DNMT1: variants seen among roughly 807,000 people sequenced by gnomAD.
The protein encoded by DNMT1 is DNA methyltransferase 1.
DNMT1 carries 24 observed loss-of-function variants against 205.3 expected under a neutral mutation model. The ratio of observed to expected loss-of-function variants is 0.12; its 90% CI spans 0.08 to 0.16. DNMT1 has a LOEUF of 0.16. Ranked by LOEUF, DNMT1 falls within the 10% of genes least tolerant of loss-of-function variation. The pLI is 1.00. For missense variants in DNMT1, 1,293 were observed against 2,177.7 expected (o/e 0.59, Z 8.09); for synonymous variants, 817 against 839.8 (o/e 0.97, Z 0.47).
rs1355056143 is a variant in DNMT1 at position 10,137,211 on chromosome 19, G to A, written c.4363C>T (p.Leu1455=). ...PLAPGSDWRD[L]PNIEVRLSDG... ...GAGAGCCGCACCTCGATGTTGGGCA[G>A]ATCGCGCCAGTCTGACCCTGGGGCC... Residue 1455 remains leucine, a synonymous_variant, in exon 37 of 41, where the codon CTG becomes TTG. Coordinates refer to ENST00000359526, the MANE Select transcript of DNMT1 (RefSeq NM_001130823.3). The surrounding 1 kb of genome is among the most constrained non-coding windows in gnomAD (Gnocchi z 6.4). 1 of 1,611,040 alleles carries A rather than the reference G, an allele frequency of 6.2e-7. No individual in the cohort carries two copies. The highest frequency in any genetic ancestry group is 1.7e-5 in the Admixed American group (1 of 59,702).
At chr19:10,192,464 T>C (rs1363162893) in intron 1 of DNMT1, among the ~76,000 whole-genome samples, 1 of 151,630 alleles carries the variant, frequency 6.6e-6, no homozygotes, top group African/African-American at 2.4e-5. Context: ...GGTCATGTTT[T>C]CAAGAAGGCT....
At chr19:10,144,978 C>A (rs2038167702) in intron 28 of DNMT1, among the ~76,000 whole-genome samples, 1 of 152,216 alleles carries the variant, frequency 6.6e-6, no homozygotes. Flanking sequence ...TCCTGACAGG[C>A]ATGAGCCACC....
rs563228303 is a variant in DNMT1, at chr19:10,151,645, G to A, written c.2118-100C>T. 1.5e-5 allele frequency: 24 copies of A among 1,608,044 alleles called. No individual in the cohort carries two copies. Among genetic ancestry groups the A allele is most frequent in the South Asian group, 6.6e-5 (6 of 90,956 alleles). On this transcript the variant is annotated intron_variant, in intron 23 of 40. Transcript: ENST00000359526. This position sits in a 1 kb window ranked among gnomAD's most constrained non-coding sequence, Gnocchi z 5.0. ...GACAGGTCCTGAGACAATGCCTAAC[G>A]AAGGAATCCTGGTGCTGTCCCACAC...
chr19:10,187,255 T>C (rs1165667404), intron 1 of DNMT1, among the ~76,000 whole-genome samples: 3 of 151,354 alleles, frequency 2.0e-5, no homozygotes, highest in Admixed American at 6.6e-5. Flanking sequence ...TAGGAAGAAA[T>C]TATAAAATGT....
intron 1 of DNMT1, among the ~76,000 whole-genome samples, chr19:10,186,446 G>A (rs2039183870): frequency 6.6e-6 from 1 of 152,058 alleles, no homozygotes; most frequent in African/African-American, 2.4e-5. Context: ...ACGGAGCAGA[G>A]GACTCAGAAT....
intron 1 of DNMT1, among the ~76,000 whole-genome samples, chr19:10,192,225 G>A (rs1446100531): frequency 6.6e-6 from 1 of 151,698 alleles, no homozygotes; most frequent in Non-Finnish European, 1.5e-5. Context: ...GTTCAAGGCT[G>A]CAGTAAGCCA....
At chr19:10,158,311 C>A (rs932621816) in intron 17 of DNMT1, among the ~76,000 whole-genome samples, 5 of 152,112 alleles carry the variant, frequency 3.3e-5, no homozygotes. Flanking sequence ...TGCTGGTGGA[C>A]GCAACAGCAT....
intron 39 of DNMT1, 146 bp downstream of exon 39, chr19:10,135,590 G>A: frequency 2.5e-6 from 2 of 800,906 alleles, no homozygotes; most frequent in South Asian, 3.0e-5. Context: ...TCCCTCCTGT[G>A]GGCCGTCTTC....
rs532738483 is a variant in DNMT1, at chr19:10,182,562, C to T, written c.81-485G>A. On this transcript the variant is annotated intron_variant, in intron 1 of 40. Transcript: ENST00000359526. ...ATATACATATGTGTATATATATATA[C>T]ACACACACACAGCAGCTCTGTAACA... Among the ~76,000 whole-genome samples, 122 of 144,606 alleles carry T rather than the reference C, an allele frequency of 8.4e-4. 1 individual carries two copies. Among genetic ancestry groups the T allele is most frequent in the Middle Eastern group, 7.5e-3 (2 of 266 alleles). 94.9% of individuals were successfully genotyped at this position (144,606 alleles called of 152,430 possible).
chr19:10,168,433 T>C, intron 9 of DNMT1, 69 bp from the exon 10 acceptor site: 2 of 1,536,794 alleles, frequency 1.3e-6, no homozygotes, highest in South Asian at 2.2e-5. Flanking sequence ...TAAAGTGTCC[T>C]ATGGAAATAA....
In DNMT1 at chr19:10,140,051, G is replaced by A. The variant is rs1411202929; in HGVS notation, c.3801C>T (p.Phe1267=). The A allele has an allele frequency of 6.2e-7, 1 of 1,609,556 alleles. No individual in the cohort carries two copies. Among genetic ancestry groups the A allele is most frequent in the East Asian group, 2.2e-5 (1 of 44,896 alleles). Residue 1267 remains phenylalanine (F), a synonymous_variant, in exon 33 of 41, where the codon TTC becomes TTT. Coordinates refer to ENST00000359526, the MANE Select transcript of DNMT1 (RefSeq NM_001130823.3). This position sits in a 1 kb window ranked among gnomAD's most constrained non-coding sequence, Gnocchi z 8.4. Reference sequence around the variant, plus strand: ...GGGGGCTTCTACCCGTTTACCTGAGGAAGGAAACCACCAGAGAGTTTTTGA... The same window carrying A: ...GGGGGCTTCTACCCGTTTACCTGAGAAAGGAAACCACCAGAGAGTTTTTGA... ...SKFKNSLVVS[F]LSYCDYYRPR...
chr19:10,175,082 CAT>C (rs60885260), intron 7 of DNMT1, among the ~76,000 whole-genome samples: 2,034 of 94,138 alleles, frequency 0.022, 21 homozygotes, highest in Non-Finnish European at 0.031. Flanking sequence ...TACATACATA[CAT>C]ACACACACAC....
chr19:10,152,835 C>A (rs2038377943), intron 22 of DNMT1, among the ~76,000 whole-genome samples: 1 of 151,422 alleles, frequency 6.6e-6, no homozygotes, highest in African/African-American at 2.4e-5. Flanking sequence ...TGCAGTGCCT[C>A]ATGCCTCTAA....
intron 10 of DNMT1, 56 bp downstream of exon 10, chr19:10,168,273 CT>C: frequency 6.2e-7 from 1 of 1,602,108 alleles, no homozygotes; most frequent in Non-Finnish European, 8.6e-7. Flanking sequence ...TACCAAGATA[CT>C]TATGTTAGCA....
At chr19:10,153,417 T>C (rs2038389422) in intron 22 of DNMT1, among the ~76,000 whole-genome samples, 1 of 152,054 alleles carries the variant, frequency 6.6e-6, no homozygotes, top group Non-Finnish European at 1.5e-5. Flanking sequence ...GTAGATCACT[T>C]AAGGTCAGGA....
At chr19:10,148,452 C>T (rs2038253754) in intron 27 of DNMT1, among the ~76,000 whole-genome samples, 1 of 145,120 alleles carries the variant, frequency 6.9e-6, no homozygotes, top group Non-Finnish European at 1.5e-5. Context: ...GCCAAGATCG[C>T]ACCACTGCAC....
At chr19:10,175,096 C>T (rs916386652) in intron 7 of DNMT1, among the ~76,000 whole-genome samples, 59 of 119,546 alleles carry the variant, frequency 4.9e-4, no homozygotes, top group African/African-American at 1.6e-3. Context: ...CACACACACA[C>T]ACACACACAC....
At chr19:10,170,774 T>C (rs2038799836) in intron 9 of DNMT1, among the ~76,000 whole-genome samples, 1 of 151,692 alleles carries the variant, frequency 6.6e-6, no homozygotes, top group Non-Finnish European at 1.5e-5. Flanking sequence ...TCTTGGTTTT[T>C]TTTTGTTTGT....
chr19:10,145,448 T>C (rs2038177141), intron 28 of DNMT1, among the ~76,000 whole-genome samples: 1 of 151,938 alleles, frequency 6.6e-6, no homozygotes, highest in South Asian at 2.1e-4. Flanking sequence ...GGAAATGGAA[T>C]TGTGAGCCGG....
Sources: allele counts gnomAD v4.1 joint callset (sites outside exome capture counted in the v4.1 genomes callset), GRCh38; gene constraint gnomAD v4.1.1; non-coding constraint Gnocchi (gnomAD v3.1); transcripts MANE v1.5; gene names NCBI Gene and HGNC (gene_info 2026-07-23, HGNC 2026-07-21).